THBS2: variants seen among roughly 807,000 people sequenced by gnomAD.
THBS2 encodes the protein thrombospondin 2, also known as thrombospondin-2.
Under a neutral mutation model 135.2 loss-of-function variants are expected in THBS2, and 47 were observed. That is an observed-to-expected ratio of 0.35 (90% CI 0.28 to 0.44). THBS2 has a LOEUF of 0.44. Among genes scored for constraint, THBS2 ranks in the 20% least tolerant of loss-of-function variants. The pLI, the probability that THBS2 is intolerant of heterozygous loss-of-function variation, is 1.00. For missense variants in THBS2, 1,288 were observed against 1,603.1 expected, an observed-to-expected ratio of 0.80 and a Z score of 3.36; for synonymous variants, 639 against 633.8, an observed-to-expected ratio of 1.01 and a Z score of -0.12.
chr6:169,217,322 A>G lies in THBS2; in HGVS notation c.*500T>C, dbSNP rs1472153886. ...TTCAAATTTGAATTGACCCTTGTTTATAATTTATTTAATGGGATTTGTGTG... is the reference window on the plus strand; with the variant it reads ...TTCAAATTTGAATTGACCCTTGTTTGTAATTTATTTAATGGGATTTGTGTG... On this transcript the variant is annotated 3_prime_UTR_variant, in exon 22 of 22. Transcript: ENST00000617924. The G allele has an allele frequency of 6.5e-6, 1 of 153,886 alleles. No individual in the cohort carries two copies. The highest frequency in any genetic ancestry group is 2.4e-5 in the African/African-American group (1 of 41,504). 9.5% of individuals were successfully genotyped at this position (153,886 alleles called of 1,614,324 possible). A position where few individuals can be genotyped will look rare whatever the true frequency, so the allele number is the denominator to read the frequency against.
chr6:169,243,062 C>T (rs375956407), intron 4 of THBS2, among the ~76,000 whole-genome samples: 234 of 49,110 alleles, frequency 4.8e-3, no homozygotes, highest in East Asian at 0.013. Flanking sequence ...ACCTTCCCAC[C>T]ACTCCCACCT....
At chr6:169,222,874 C>G (rs1375501136) in intron 18 of THBS2, among the ~76,000 whole-genome samples, 1 of 151,892 alleles carries the variant, frequency 6.6e-6, no homozygotes, top group Non-Finnish European at 1.5e-5. Flanking sequence ...GACCATCTGA[C>G]AGTGGATGCC....
At chr6:169,235,823 TTC>T (rs1562359669) in intron 9 of THBS2, among the ~76,000 whole-genome samples, 5 of 95,366 alleles carry the variant, frequency 5.2e-5, no homozygotes, top group Admixed American at 2.2e-4. Context: ...CCACACTCAC[TTC>T]CATCCACACT....
chr6:169,245,988 C>A, intron 4 of THBS2: 2 of 411,668 alleles, frequency 4.9e-6, no homozygotes, highest in South Asian at 6.9e-5. Flanking sequence ...TTAAAATTAA[C>A]TGTTTAATCA....
chr6:169,240,652 G>C, intron 5 of THBS2, 60 bp from the exon 6 acceptor site: 1 of 1,559,302 alleles, frequency 6.4e-7, no homozygotes, highest in East Asian at 2.3e-5. Context: ...TAGTCATCAT[G>C]CTTGTGGATG....
chr6:169,225,402 AACAG>A, intron 16 of THBS2, 23 bp from the exon 17 acceptor site: 1 of 1,549,922 alleles, frequency 6.5e-7, no homozygotes, highest in Middle Eastern at 1.7e-4. Flanking sequence ...GCGTGAGAGA[AACAG>A]CAGAGGACTG....
rs554458809 is a variant in THBS2 at position 169,231,971 on chromosome 6, G to A, written c.2151+9C>T. The A allele has an allele frequency of 1.4e-5, 23 of 1,613,116 alleles. No homozygotes were observed. The highest frequency in any genetic ancestry group is 1.7e-4 in the Middle Eastern group (1 of 5,790). ...TGGCCCCGTGTGCCCTGCGAGCCCC[G>A]CGCCTCACCTTGATGCAGTGGTAGG... On this transcript the variant is annotated intron_variant, in intron 13 of 21. Transcript: ENST00000617924.
rs750540261 is a variant in THBS2, at chr6:169,246,288, G to A, written c.610-7C>T. ...GGACGTTCTGAAGCAAACCCTGTAA[G>A]TATACACAAGCAGAAAAATAGAGCA... On this transcript the variant is annotated splice_polypyrimidine_tract_variant and splice_region_variant and intron_variant, in intron 3 of 21. Coordinates refer to ENST00000617924, the MANE Select transcript of THBS2 (RefSeq NM_003247.5). 3 of 1,610,784 alleles carry A rather than the reference G, an allele frequency of 1.9e-6. No homozygotes were observed. The highest frequency in any genetic ancestry group is 1.1e-5 in the South Asian group (1 of 90,988).
At position 169,239,809 on chromosome 6, in the gene THBS2, AC is replaced by A. The variant is rs1381220587; in HGVS notation, c.1033-115del. The A allele has an allele frequency of 2.6e-5, 20 of 760,920 alleles. No individual in the cohort carries two copies. The African/African-American group carries it at 2.8e-4, about 11-fold the overall frequency. 47.1% of individuals were successfully genotyped at this position (760,920 alleles called of 1,614,324 possible). On this transcript the variant is annotated intron_variant, in intron 6 of 21. Transcript: ENST00000617924. The stretch of plus-strand genomic sequence containing the variant: ...TGGCTGAATGTTTTCCATCCTACGG[AC>A]CATACATTACAGAGATGTGAAAATA...
rs1780636561 is a variant in THBS2, at chr6:169,248,465, C to G, written c.561G>C (p.Lys187Asn). ...AGCCTTTGGCCACGTACATCCGGCT[C>G]TTTTCCGCCTGCAGGTGCTCGTAGA... Reference protein sequence around the residue: ...EPFYEHLQAEKSRMYVAKGSA... With the variant: ...EPFYEHLQAENSRMYVAKGSA... Residue 187 changes from lysine to asparagine, a missense_variant, in exon 3 of 22, where the codon AAG becomes AAC. Transcript: ENST00000617924. 7 of 1,612,662 alleles carry G rather than the reference C, an allele frequency of 4.3e-6. No individual in the cohort carries two copies. The highest frequency in any genetic ancestry group is 5.9e-6 in the Non-Finnish European group (7 of 1,178,970).
rs1348748747 is a variant in THBS2, at chr6:169,252,943, T to G, written c.-23+781A>C. On this transcript the variant is annotated intron_variant, in intron 1 of 21. Coordinates refer to ENST00000617924, the MANE Select transcript of THBS2 (RefSeq NM_003247.5). This position sits in a 1 kb window ranked among gnomAD's most constrained non-coding sequence, Gnocchi z 4.3. ...CGTCCACCACCAACAGCAGTCTGAT[T>G]AAACACCAGACTCCTGGGTGCTCAG... Among the ~76,000 whole-genome samples the G allele has an allele frequency of 1.3e-5, 2 of 152,202 alleles. No homozygotes were observed. The highest frequency in any genetic ancestry group is 2.9e-5 in the Non-Finnish European group (2 of 68,032).
intron 14 of THBS2, among the ~76,000 whole-genome samples, chr6:169,229,057 T>C (rs1040583512): frequency 6.6e-6 from 1 of 152,198 alleles, no homozygotes; most frequent in Non-Finnish European, 1.5e-5. Flanking sequence ...AGGAGAGATA[T>C]GTAAATATCA....
chr6:169,233,555 A>G (rs73043881), intron 10 of THBS2, among the ~76,000 whole-genome samples: 17,490 of 147,030 alleles, frequency 0.12, 1,217 homozygotes, highest in Middle Eastern at 0.17. Context: ...TATGCACCAC[A>G]TTCCAGACCA....
chr6:169,234,129 G>C (rs541897493), intron 10 of THBS2, among the ~76,000 whole-genome samples: 1 of 150,072 alleles, frequency 6.7e-6, no homozygotes, highest in East Asian at 2.0e-4. Context: ...CTACTCACAT[G>C]CCACGTTTCA....
chr6:169,231,898 C>A, intron 13 of THBS2, 82 bp downstream of exon 13: 1 of 1,469,948 alleles, frequency 6.8e-7, no homozygotes, highest in Non-Finnish European at 9.2e-7. Flanking sequence ...CTGCCCCCGC[C>A]CCCCGTCCGC....
Position 169,221,506 on chromosome 6 carries a change from G to A in THBS2, c.3295C>T (p.Pro1099Ser), listed in dbSNP as rs1364603491. 2 of 1,613,868 alleles carry A rather than the reference G, an allele frequency of 1.2e-6. No homozygotes were observed. Among genetic ancestry groups the A allele is most frequent in the South Asian group, 2.2e-5 (2 of 91,084 alleles). The change falls in exon 20 of 22, where the codon CCC becomes TCC. Residue 1099 changes from proline to serine, a missense_variant. Physicochemically the swap from Pro to Ser is moderately conservative, Grantham distance 74 (BLOSUM62 -1). Transcript: ENST00000617924. ...TAGTCCTTCCAGCCAATGTTCCTGG[G>A]GTCGTGCCATAAGGTTCGCACCTGA... is the stretch of plus-strand genomic sequence containing the variant. Reference protein sequence around the residue: ...PGQVRTLWHDPRNIGWKDYTA... With the variant: ...PGQVRTLWHDSRNIGWKDYTA...
rs1779383175 is a variant in THBS2, at chr6:169,220,454, CT to C, written c.3372-118del. ...CAAGCTGTGGATACTCCGCCCAGGG[CT>C]TCAGTGCCCCAGGGGGCATTGCTGG... On this transcript the variant is annotated intron_variant, in intron 20 of 21. Transcript: ENST00000617924. 5 of 1,299,952 alleles carry C rather than the reference CT, an allele frequency of 3.8e-6. No homozygotes were observed. The South Asian group carries it at 7.4e-5, about 19-fold the overall frequency. The allele number at this position is 1,299,952 out of a possible 1,614,324, so 80.5% of individuals were successfully genotyped here. A position where few individuals can be genotyped will look rare whatever the true frequency, so the allele number is the denominator to read the frequency against.
intron 15 of THBS2, among the ~76,000 whole-genome samples, chr6:169,227,115 A>G (rs1779655050): frequency 6.6e-6 from 1 of 152,178 alleles, no homozygotes; most frequent in Admixed American, 6.5e-5. Context: ...ATCAGTGGAA[A>G]AGATCAGACT....
In THBS2 at chr6:169,218,702, ATGGATGAGACAGG is replaced by A. The variant is rs1489393405; in HGVS notation, c.3512-886_3512-874del. ...GTAGATGGATGGATGGGATGGATGG[ATGGATGAGACAGG>A]TGGATGGATGGATGAGATAGGTGGG... On this transcript the variant is annotated intron_variant, in intron 21 of 21. Coordinates refer to ENST00000617924, the MANE Select transcript of THBS2 (RefSeq NM_003247.5). Among the ~76,000 whole-genome samples the A allele has an allele frequency of 4.3e-3, 560 of 130,998 alleles. 25 individuals carry two copies. The East Asian group carries it at 0.072, about 17-fold the overall frequency. The allele number at this position is 130,998 out of a possible 152,430, so 85.9% of individuals were successfully genotyped here. A position where few individuals can be genotyped will look rare whatever the true frequency, so the allele number is the denominator to read the frequency against.
Sources: gnomAD v4.1 joint callset for allele counts (sites outside exome capture counted in the v4.1 genomes callset) on GRCh38, gnomAD v4.1.1 for gene constraint, Gnocchi (gnomAD v3.1) non-coding constraint, MANE v1.5 for transcripts, NCBI Gene and HGNC (gene_info 2026-07-23, HGNC 2026-07-21) for gene names.